RYR2: variants seen among roughly 807,000 people sequenced by gnomAD.
RYR2 encodes ryanodine receptor 2.
Under a neutral mutation model 601.1 loss-of-function variants are expected in RYR2, and 227 were observed. That is an observed-to-expected ratio of 0.38 (90% CI 0.34 to 0.42). The LOEUF (loss-of-function observed/expected upper bound fraction) is 0.42, where lower values mean the gene tolerates loss of function less well. Ranked by LOEUF, RYR2 falls within the 10% of genes least tolerant of loss-of-function variation. The pLI is 1.00. For synonymous variants in RYR2, 2,223 were observed against 2,175.1 expected (o/e 1.02, Z -0.61); for missense variants, 4,646 against 6,156.5 (o/e 0.75, Z 8.21).
intron 80 of RYR2, among the ~76,000 whole-genome samples, chr1:237,743,146 A>G (rs1331327982): frequency 6.6e-6 from 1 of 151,964 alleles, no homozygotes. Flanking sequence ...TTTCCTTTTA[A>G]TTTACATGTC....
At chr1:237,577,494 GTGTTTC>G (rs1673359763) in intron 29 of RYR2, among the ~76,000 whole-genome samples, 3 of 143,894 alleles carry the variant, frequency 2.1e-5, no homozygotes, top group Non-Finnish European at 4.5e-5. Flanking sequence ...GTAGGAGTGT[GTGTTTC>G]TGTGTGTGTG....
chr1:237,333,007 A>C (rs890032639), intron 3 of RYR2, among the ~76,000 whole-genome samples: 2 of 152,168 alleles, frequency 1.3e-5, no homozygotes, highest in Non-Finnish European at 2.9e-5. Flanking sequence ...TTTTCAAGAC[A>C]TTTATTAGTT....
At chr1:237,631,975 G>A (rs1759119) in intron 42 of RYR2, among the ~76,000 whole-genome samples, 57,174 of 151,482 alleles carry the variant, frequency 0.38, 11,996 homozygotes, top group Middle Eastern at 0.52. Flanking sequence ...ATCCTCTTAG[G>A]ATGACTGTTT....
chr1:237,120,507 G>A (rs558794246), intron 1 of RYR2, among the ~76,000 whole-genome samples: 1 of 152,288 alleles, frequency 6.6e-6, no homozygotes, highest in South Asian at 2.1e-4. Flanking sequence ...TCAATAAATG[G>A]TGACGATAAA....
At chr1:237,719,761 G>C (rs993788707) in intron 73 of RYR2, among the ~76,000 whole-genome samples, 4 of 151,380 alleles carry the variant, frequency 2.6e-5, no homozygotes, top group Non-Finnish European at 5.9e-5. Context: ...ACCAGGTCCC[G>C]TCTCCAACAC....
At chr1:237,370,714 G>T (rs1293860386) in intron 6 of RYR2, among the ~76,000 whole-genome samples, 2 of 148,160 alleles carry the variant, frequency 1.3e-5, no homozygotes, top group African/African-American at 5.0e-5. Flanking sequence ...AGGCTGGAGT[G>T]CAGTGGCGCG....
intron 1 of RYR2, among the ~76,000 whole-genome samples, chr1:237,208,102 G>C (rs1350131718): frequency 6.6e-6 from 1 of 152,198 alleles, no homozygotes; most frequent in Non-Finnish European, 1.5e-5. Flanking sequence ...GGGCACGTTT[G>C]CTCTGTTGCA....
At chr1:237,634,564 T>C (rs137909151) in intron 43 of RYR2, among the ~76,000 whole-genome samples, 1 of 152,318 alleles carries the variant, frequency 6.6e-6, no homozygotes, top group East Asian at 1.9e-4. Context: ...TTAATAACAA[T>C]GTATAATATT....
intron 36 of RYR2, among the ~76,000 whole-genome samples, chr1:237,612,950 C>T (rs965655787): frequency 1.3e-5 from 2 of 152,132 alleles, no homozygotes; most frequent in African/African-American, 4.8e-5. Flanking sequence ...TCACTGGCAT[C>T]AGGCCATAGA....
At chr1:237,184,116 G>C (rs1316851767) in intron 1 of RYR2, among the ~76,000 whole-genome samples, 2 of 152,148 alleles carry the variant, frequency 1.3e-5, no homozygotes, top group African/African-American at 4.8e-5. Context: ...GTAACCCTTG[G>C]GCGGGGTAAA....
At chr1:237,434,903 G>A (rs953166509) in intron 12 of RYR2, among the ~76,000 whole-genome samples, 32 of 152,036 alleles carry the variant, frequency 2.1e-4, no homozygotes, top group Non-Finnish European at 4.4e-4. Context: ...AGCCTCCCAA[G>A]TAGCTGGGAC....
chr1:237,459,719 A>G (rs1347139591), intron 16 of RYR2, among the ~76,000 whole-genome samples: 1 of 152,112 alleles, frequency 6.6e-6, no homozygotes, highest in East Asian at 1.9e-4. Context: ...CCACAGAGTT[A>G]TTTGGGGATT....
intron 1 of RYR2, among the ~76,000 whole-genome samples, chr1:237,237,945 C>CCCTTTCCTCTCCTTTCCTTT (rs1685741184): frequency 2.8e-5 from 1 of 35,500 alleles, no homozygotes; most frequent in African/African-American, 6.5e-5. Context: ...CTTTCCTTTC[C>CCCTTTCCTCTCCTTTCCTTT]CCTTTCCTTT....
rs781531224 is a variant in RYR2, at chr1:237,590,881, C to T, written c.4049C>T (p.Ala1350Val). ...GACTTTGAGGTTCTGATGAAGACAGCTCATGGCCATCTAGTGCCCGATCGT... is the reference window on the plus strand; with the variant it reads ...GACTTTGAGGTTCTGATGAAGACAGTTCATGGCCATCTAGTGCCCGATCGT... ...DSDFEVLMKT[A>V]HGHLVPDRVD... is the part of the protein sequence containing the mutation. The change falls in exon 31 of 105, where the codon GCT becomes GTT. Residue 1350 changes from alanine (A) to valine (V), a missense_variant. Physicochemically the swap from Ala to Val is moderately conservative, Grantham distance 64. Coordinates refer to ENST00000366574, the MANE Select transcript of RYR2 (RefSeq NM_001035.3). The T allele has an allele frequency of 1.2e-6, 2 of 1,613,868 alleles. No individual in the cohort carries two copies. Among genetic ancestry groups the T allele is most frequent in the Non-Finnish European group, 1.7e-6 (2 of 1,179,868 alleles).
chr1:237,530,882 C>T (rs943665064), intron 25 of RYR2, among the ~76,000 whole-genome samples: 2 of 151,378 alleles, frequency 1.3e-5, no homozygotes, highest in African/African-American at 4.9e-5. Flanking sequence ...TGCACTCCAG[C>T]CTGGGCAACA....
rs1484075889 is a variant in RYR2 at position 237,705,331 on chromosome 1, C to G, written c.9568C>G (p.Arg3190Gly). Residue 3190 changes from arginine to glycine, a missense_variant, in exon 67 of 105, where the codon CGA becomes GGA. This residue lies in a region of RYR2 where 1,497 missense variants were observed against 1,842.6 expected (regional missense o/e 0.81). Coordinates refer to ENST00000366574, the MANE Select transcript of RYR2 (RefSeq NM_001035.3). The stretch of plus-strand genomic sequence containing the variant: ...CTCCATCTACAATACCAAGTCTTCA[C>G]GAGAAAGAGCAGGTAACACAGAAAC... Reference protein sequence around the residue: ...IYSIYNTKSSRERAALSLPTN... With the variant: ...IYSIYNTKSSGERAALSLPTN... The G allele has an allele frequency of 1.9e-6, 3 of 1,603,964 alleles. No individual in the cohort carries two copies. Among genetic ancestry groups the G allele is most frequent in the Non-Finnish European group, 2.6e-6 (3 of 1,174,448 alleles).
chr1:237,290,383 T>C (rs12098209), intron 2 of RYR2, among the ~76,000 whole-genome samples: 2 of 152,130 alleles, frequency 1.3e-5, no homozygotes, highest in Admixed American at 1.3e-4. Flanking sequence ...CTGCAGAGAC[T>C]TGCAAATGTT....
chr1:237,685,650 AG>A (rs1232229128), intron 62 of RYR2, among the ~76,000 whole-genome samples: 8 of 152,350 alleles, frequency 5.3e-5, no homozygotes, highest in African/African-American at 1.9e-4. Flanking sequence ...TATTCTCTTT[AG>A]AAAAAGGCAG....
chr1:237,556,060 C>T (rs1405775938), intron 27 of RYR2, among the ~76,000 whole-genome samples: 2 of 152,046 alleles, frequency 1.3e-5, no homozygotes, highest in African/African-American at 4.8e-5. Flanking sequence ...AGAAGTTATT[C>T]TGATGACATA....
Sources: allele counts gnomAD v4.1 joint callset (sites outside exome capture counted in the v4.1 genomes callset), GRCh38; gene constraint gnomAD v4.1.1; regional missense constraint gnomAD v4.1.1; transcripts MANE v1.5; gene names NCBI Gene and HGNC (gene_info 2026-07-23, HGNC 2026-07-21).